The following DAAM1 variants were observed in gnomAD, a reference collection of about 807,000 sequenced individuals.
DAAM1 encodes the protein dishevelled associated activator of morphogenesis 1, also known as disheveled-associated activator of morphogenesis 1.
Under a neutral mutation model 130.0 loss-of-function variants are expected in DAAM1, and 52 were observed. That is an observed-to-expected ratio of 0.40 (90% CI 0.32 to 0.50). The LOEUF is 0.50. DAAM1 is among the 20% of genes least tolerant of loss of function. DAAM1 has a pLI of 0.61. For missense variants in DAAM1, 1,134 were observed against 1,303.8 expected (o/e 0.87, Z 2.01); for synonymous variants, 452 against 444.5 (o/e 1.02, Z -0.21).
chr14:59,246,356 A>G (rs1263036996), intron 1 of DAAM1, among the ~76,000 whole-genome samples: 2 of 152,192 alleles, frequency 1.3e-5, no homozygotes, highest in East Asian at 3.8e-4. Context: ...TAATGTCTTC[A>G]ACATTTACCC....
intron 19 of DAAM1, among the ~76,000 whole-genome samples, chr14:59,354,730 C>T (rs547216916): frequency 6.6e-6 from 1 of 152,306 alleles, no homozygotes; most frequent in Admixed American, 6.5e-5. Flanking sequence ...GCTCTGATCC[C>T]TGTTATGACA....
chr14:59,361,174 C>T (rs1346681592), intron 22 of DAAM1, among the ~76,000 whole-genome samples: 5 of 152,160 alleles, frequency 3.3e-5, no homozygotes, highest in African/African-American at 1.2e-4. Context: ...TTCAGGGACG[C>T]TCTCAGTTTC....
chr14:59,224,703 T>A (rs1888881339), intron 1 of DAAM1, among the ~76,000 whole-genome samples: 1 of 152,240 alleles, frequency 6.6e-6, no homozygotes, highest in Non-Finnish European at 1.5e-5. Context: ...GAGAAAAACA[T>A]GAATTTTGGA....
At chr14:59,248,214 C>T (rs1881479828) in intron 1 of DAAM1, among the ~76,000 whole-genome samples, 1 of 152,138 alleles carries the variant, frequency 6.6e-6, no homozygotes, top group Admixed American at 6.5e-5. Flanking sequence ...GTGTTCACAC[C>T]TAATTATTTA....
intron 2 of DAAM1, among the ~76,000 whole-genome samples, chr14:59,279,996 C>G (rs548964144): frequency 1.3e-5 from 2 of 152,116 alleles, no homozygotes; most frequent in African/African-American, 4.8e-5. Context: ...TATTTAGCAC[C>G]AGTTGTCATT....
intron 1 of DAAM1, among the ~76,000 whole-genome samples, chr14:59,226,091 A>G (rs779031705): frequency 4.6e-5 from 7 of 151,778 alleles, no homozygotes; most frequent in Non-Finnish European, 1.0e-4. Flanking sequence ...TCAACCTGAG[A>G]CCTCTTATTA....
chr14:59,264,271 C>T (rs1206805217), intron 2 of DAAM1: 1 of 155,356 alleles, frequency 6.4e-6, no homozygotes, highest in African/African-American at 2.4e-5. Context: ...GTGCAGGACC[C>T]ATTCATCAAG....
chr14:59,244,519 G>T (rs1006712887), intron 1 of DAAM1, among the ~76,000 whole-genome samples: 1 of 152,138 alleles, frequency 6.6e-6, no homozygotes, highest in African/African-American at 2.4e-5. Context: ...CATCTCTTTT[G>T]TTCATCCTTA....
At chr14:59,322,605 T>A (rs2139618584) in intron 5 of DAAM1, among the ~76,000 whole-genome samples, 1 of 152,246 alleles carries the variant, frequency 6.6e-6, no homozygotes, top group South Asian at 2.1e-4. Flanking sequence ...TTCCGAGTAT[T>A]CTCTTGCTTC....
chr14:59,238,576 G>A (rs1889377018), intron 1 of DAAM1, among the ~76,000 whole-genome samples: 1 of 152,144 alleles, frequency 6.6e-6, no homozygotes, highest in African/African-American at 2.4e-5. Context: ...GTGATCAGGG[G>A]CAGTTCAGCC....
chr14:59,204,696 T>C (rs1163301787), intron 1 of DAAM1, among the ~76,000 whole-genome samples: 2 of 152,226 alleles, frequency 1.3e-5, no homozygotes, highest in African/African-American at 4.8e-5. Flanking sequence ...TATGCCATTA[T>C]ACTCTTGATG....
chr14:59,196,525 CAAGGTCAG>C (rs1437445394), intron 1 of DAAM1, among the ~76,000 whole-genome samples: 1 of 152,192 alleles, frequency 6.6e-6, no homozygotes, highest in Non-Finnish European at 1.5e-5. Flanking sequence ...GGGCATATCA[CAAGGTCAG>C]GAAGTCGAGA....
intron 1 of DAAM1, among the ~76,000 whole-genome samples, chr14:59,258,574 G>GA (rs1882015596): frequency 6.6e-6 from 1 of 152,244 alleles, no homozygotes; most frequent in African/African-American, 2.4e-5. Flanking sequence ...CAGTTGTTGG[G>GA]ATCACTAGTC....
chr14:59,333,444 A>AGGG (rs1281543311), intron 15 of DAAM1, among the ~76,000 whole-genome samples: 2 of 152,372 alleles, frequency 1.3e-5, no homozygotes, highest in African/African-American at 4.8e-5. Context: ...CTCACGTGGC[A>AGGG]GGGACTGTGA....
intron 1 of DAAM1, among the ~76,000 whole-genome samples, chr14:59,194,132 T>C (rs534548811): frequency 6.6e-6 from 1 of 151,500 alleles, no homozygotes; most frequent in South Asian, 2.1e-4. Context: ...TTATACATCC[T>C]GATGTTGCCT....
intron 2 of DAAM1, among the ~76,000 whole-genome samples, chr14:59,267,868 A>C (rs1882517024): frequency 6.6e-6 from 1 of 150,408 alleles, no homozygotes; most frequent in Admixed American, 6.6e-5. Flanking sequence ...TTTCTTGCCT[A>C]ATAATATTCC....
chr14:59,266,562 T>C (rs1461819031), intron 2 of DAAM1, among the ~76,000 whole-genome samples: 2 of 152,248 alleles, frequency 1.3e-5, no homozygotes, highest in South Asian at 2.1e-4. Flanking sequence ...AAACCAGAAC[T>C]TTAAGCTGAA....
At chr14:59,334,665 CT>C (rs1885557265) in intron 15 of DAAM1, among the ~76,000 whole-genome samples, 1 of 152,132 alleles carries the variant, frequency 6.6e-6, no homozygotes, top group South Asian at 2.1e-4. Context: ...AGAAATGACA[CT>C]TAGGGGATAT....
chr14:59,323,239 C>T lies in DAAM1; in HGVS notation c.774+14C>T. 3 of 1,573,494 alleles carry T rather than the reference C, an allele frequency of 1.9e-6. No homozygotes were observed. The highest frequency in any genetic ancestry group is 2.6e-6 in the Non-Finnish European group (3 of 1,157,776). ...ACCCGCTTTCAGGTGGGTGTTCGCT[C>T]AGCCTTCTTCACTCACCCCTTCTTT... On this transcript the variant is annotated intron_variant, in intron 6 of 24. Coordinates refer to ENST00000360909, the MANE Select transcript of DAAM1 (RefSeq NM_001270520.2).
Sources: gnomAD v4.1 joint callset for allele counts (sites outside exome capture counted in the v4.1 genomes callset) on GRCh38, gnomAD v4.1.1 for gene constraint, MANE v1.5 for transcripts, NCBI Gene and HGNC (gene_info 2026-07-23, HGNC 2026-07-21) for gene names.